PRKAG2: variants seen among roughly 807,000 people sequenced by gnomAD.
The protein encoded by PRKAG2 is protein kinase AMP-activated non-catalytic subunit gamma 2, also known as 5'-AMP-activated protein kinase subunit gamma-2.
A neutral mutation model predicts 69.6 loss-of-function variants in PRKAG2; 26 were observed. That is an observed-to-expected ratio of 0.37 (90% confidence interval 0.27 to 0.52). The LOEUF is 0.52. Ranked by LOEUF, PRKAG2 falls within the 20% of genes least tolerant of loss-of-function variation. The pLI, the probability that PRKAG2 is intolerant of heterozygous loss-of-function variation, is 0.90. For synonymous variants in PRKAG2, 293 were observed against 285.0 expected, an observed-to-expected ratio of 1.03 and a Z score of -0.28; for missense variants, 557 against 740.0, an observed-to-expected ratio of 0.75 and a Z score of 2.87.
At chr7:151,832,177 A>G (rs1044571795) in intron 1 of PRKAG2, among the ~76,000 whole-genome samples, 7 of 149,032 alleles carry the variant, frequency 4.7e-5, no homozygotes, top group Non-Finnish European at 1.0e-4. Context: ...CCCCAACCCA[A>G]TAGGGTGGAC....
intron 1 of PRKAG2, among the ~76,000 whole-genome samples, chr7:151,816,621 A>G (rs1311723494): frequency 6.6e-6 from 1 of 152,232 alleles, no homozygotes; most frequent in Non-Finnish European, 1.5e-5. Flanking sequence ...GTGCTAGCAT[A>G]AACCTGAGGT....
intron 3 of PRKAG2, among the ~76,000 whole-genome samples, chr7:151,688,011 G>GGGAGGAGGAGGA (rs144406628): frequency 7.9e-6 from 1 of 126,288 alleles, no homozygotes; most frequent in Middle Eastern, 4.7e-3. Context: ...TGGAAGGGGA[G>GGGAGGAGGAGGA]GGAGGAGGAG....
chr7:151,809,294 C>A, intron 1 of PRKAG2: 1 of 456,394 alleles, frequency 2.2e-6, no homozygotes, highest in Non-Finnish European at 4.4e-6. Flanking sequence ...ACCCCTACCC[C>A]GAGACGGGTG....
chr7:151,773,028 AGAGAGAGAGAGAGAGAGAGAGAGAGG>A lies in PRKAG2; in HGVS notation c.466+8098_466+8123del, dbSNP rs1363212950. Reference sequence around the variant, plus strand: ...AAGAAAGAAAGAAAGAAAGAAAGAGAGAGAGAGAGAGAGAGAGAGAGAGAGGGAGGGAGGGAGGGAGGGAGGGAGGG... The same window carrying A: ...AAGAAAGAAAGAAAGAAAGAAAGAGAGAGGGAGGGAGGGAGGGAGGGAGGG... On this transcript the variant is annotated intron_variant, in intron 3 of 15. Transcript: ENST00000287878. 1.7e-3 allele frequency among the ~76,000 whole-genome samples: 86 copies of A among 50,872 alleles called. 1 individual carries two copies. The highest frequency in any genetic ancestry group is 0.011 in the South Asian group (10 of 948). The allele number at this position is 50,872 out of a possible 152,430, so 33.4% of individuals were successfully genotyped here.
chr7:151,846,285 T>C (rs139955001), intron 1 of PRKAG2, among the ~76,000 whole-genome samples: 1,648 of 152,148 alleles, frequency 0.011, 34 homozygotes, highest in African/African-American at 0.036. Flanking sequence ...CTGGCCAACA[T>C]AGCGAAACCC....
chr7:151,786,678 T>C, intron 1 of PRKAG2, 137 bp from the exon 2 acceptor site: 1 of 740,774 alleles, frequency 1.3e-6, no homozygotes, highest in South Asian at 1.6e-5. Flanking sequence ...GATGTGGACG[T>C]GTTTGCTACA....
chr7:151,572,900 G>A (rs1304072353), intron 8 of PRKAG2, among the ~76,000 whole-genome samples, 191 bp from the exon 9 acceptor site: 1 of 152,120 alleles, frequency 6.6e-6, no homozygotes, highest in Non-Finnish European at 1.5e-5. Context: ...ATCACCTGAG[G>A]TCAGGAGTTT....
chr7:151,865,737 A>C (rs2080049257), intron 1 of PRKAG2, among the ~76,000 whole-genome samples: 1 of 152,250 alleles, frequency 6.6e-6, no homozygotes, highest in Non-Finnish European at 1.5e-5. Flanking sequence ...AGTGGAGAAG[A>C]GGCCGGGCGC....
At chr7:151,655,555 T>C (rs111958090) in intron 4 of PRKAG2, among the ~76,000 whole-genome samples, 11 of 152,280 alleles carry the variant, frequency 7.2e-5, no homozygotes, top group African/African-American at 2.4e-4. Flanking sequence ...GAGCAATTTA[T>C]TAAATTGCTC....
chr7:151,821,740 C>T (rs2078787838), intron 1 of PRKAG2, among the ~76,000 whole-genome samples: 1 of 152,182 alleles, frequency 6.6e-6, no homozygotes, highest in South Asian at 2.1e-4. Context: ...AACGGATGCT[C>T]TTTTTCTACA....
At chr7:151,833,573 G>A (rs1005718362) in intron 1 of PRKAG2, among the ~76,000 whole-genome samples, 14 of 152,138 alleles carry the variant, frequency 9.2e-5, no homozygotes, top group South Asian at 2.1e-4. Flanking sequence ...TGTCTGTCTC[G>A]GCTCTTAAGC....
chr7:151,758,944 G>A (rs1262692964), intron 3 of PRKAG2, among the ~76,000 whole-genome samples: 2 of 152,288 alleles, frequency 1.3e-5, no homozygotes, highest in East Asian at 1.9e-4. Context: ...CAGATCCACT[G>A]CAGGGACCCC....
chr7:151,699,360 T>C lies in PRKAG2; in HGVS notation c.467-23723A>G, dbSNP rs1295768610. Among the ~76,000 whole-genome samples the C allele has an allele frequency of 2.6e-5, 4 of 152,150 alleles. No individual in the cohort carries two copies. The highest frequency in any genetic ancestry group is 9.7e-5 in the African/African-American group (4 of 41,432). On this transcript the variant is annotated intron_variant, in intron 3 of 15. Transcript: ENST00000287878. The surrounding 1 kb of genome is among the most constrained non-coding windows in gnomAD (Gnocchi z 4.5). Reference sequence around the variant, plus strand: ...ATGCTGACTGCTGGCCGGATGCCTGTGTGGTTACGATCCGGTTACATCTCA... The same window carrying C: ...ATGCTGACTGCTGGCCGGATGCCTGCGTGGTTACGATCCGGTTACATCTCA...
chr7:151,705,629 A>G (rs973232611), intron 3 of PRKAG2, among the ~76,000 whole-genome samples: 3 of 152,196 alleles, frequency 2.0e-5, no homozygotes, highest in Admixed American at 6.5e-5. Context: ...CCATAAAGAA[A>G]GCAATTCTAT....
chr7:151,559,223 T>G (rs1804406872), intron 15 of PRKAG2: 1 of 968,004 alleles, frequency 1.0e-6, no homozygotes, highest in African/African-American at 1.8e-5. Flanking sequence ...TGAATGCAGC[T>G]GTACTGTTCG....
chr7:151,742,970 C>T (rs2151716337), intron 3 of PRKAG2, among the ~76,000 whole-genome samples: 2 of 152,266 alleles, frequency 1.3e-5, no homozygotes, highest in Middle Eastern at 6.8e-3. Context: ...GGGCTGAGGA[C>T]CCTTCTTCAG....
chr7:151,612,180 T>C (rs1463736357), intron 5 of PRKAG2, among the ~76,000 whole-genome samples: 1 of 151,760 alleles, frequency 6.6e-6, no homozygotes, highest in Non-Finnish European at 1.5e-5. Flanking sequence ...AAGAGGAGAG[T>C]TGAGTAACAT....
chr7:151,739,146 G>A (rs983994803), intron 3 of PRKAG2, among the ~76,000 whole-genome samples: 2 of 152,198 alleles, frequency 1.3e-5, no homozygotes, highest in African/African-American at 2.4e-5. Context: ...GCATGGCTCC[G>A]GTGTAGCTGG....
chr7:151,752,593 T>C (rs2074775692), intron 3 of PRKAG2, among the ~76,000 whole-genome samples: 1 of 152,048 alleles, frequency 6.6e-6, no homozygotes, highest in African/African-American at 2.4e-5. Flanking sequence ...TATTTGATAA[T>C]GAGAAATAAC....
Sources: gnomAD v4.1 joint callset for allele counts (sites outside exome capture counted in the v4.1 genomes callset) on GRCh38, gnomAD v4.1.1 for gene constraint, Gnocchi (gnomAD v3.1) non-coding constraint, MANE v1.5 for transcripts, NCBI Gene and HGNC (gene_info 2026-07-23, HGNC 2026-07-21) for gene names.